PLAA: variants seen among roughly 807,000 people sequenced by gnomAD.
PLAA encodes the protein phospholipase A2 activating protein, also known as phospholipase A-2-activating protein.
In PLAA, 48 loss-of-function variants were observed where a neutral mutation model predicts 84.1. The ratio of observed to expected loss-of-function variants is 0.57; its 90% confidence interval spans 0.45 to 0.73. The LOEUF (loss-of-function observed/expected upper bound fraction) is 0.73. Ranked by LOEUF, PLAA falls within the 30% of genes least tolerant of loss-of-function variation. The pLI is 0.00. For synonymous variants in PLAA, 392 were observed against 336.6 expected, an observed-to-expected ratio of 1.16 and a Z score of -1.80; for missense variants, 903 against 954.7, an observed-to-expected ratio of 0.95 and a Z score of 0.71.
chr9:26,910,225 A>G, intron 12 of PLAA, 113 bp downstream of exon 12: 2 of 674,754 alleles, frequency 3.0e-6, no homozygotes, highest in Non-Finnish European at 5.3e-6. Context: ...TGCAATAGAA[A>G]TATCTATTCA....
chr9:26,944,348 A>C (rs1731014216), intron 1 of PLAA, among the ~76,000 whole-genome samples: 1 of 152,194 alleles, frequency 6.6e-6, no homozygotes, highest in African/African-American at 2.4e-5. Context: ...GCAACACAAA[A>C]GAGAAGACAT....
chr9:26,940,608 T>C (rs1009245503), intron 1 of PLAA, among the ~76,000 whole-genome samples: 3 of 152,314 alleles, frequency 2.0e-5, no homozygotes, highest in Non-Finnish European at 4.4e-5. Flanking sequence ...CTTAATACCA[T>C]TGAACTGTAC....
At chr9:26,930,206 G>A (rs188562870) in intron 2 of PLAA, among the ~76,000 whole-genome samples, 241 of 151,324 alleles carry the variant, frequency 1.6e-3, no homozygotes, top group African/African-American at 5.5e-3. Flanking sequence ...CCGGGTTCAC[G>A]CCATTCTCCT....
Position 26,947,188 on chromosome 9 carries a change from C to T in PLAA, c.-143G>A, listed in dbSNP as rs781321765. ...GACCGGAAGAGCCCGAGAGCCGGTACGGAAGGGCGGCTGGGAAGGGGCGCG... is the reference window on the plus strand; with the variant it reads ...GACCGGAAGAGCCCGAGAGCCGGTATGGAAGGGCGGCTGGGAAGGGGCGCG... On this transcript the variant is annotated 5_prime_UTR_variant, in exon 1 of 14. Coordinates refer to ENST00000397292, the MANE Select transcript of PLAA (RefSeq NM_001031689.3). 188 of 993,044 alleles carry T rather than the reference C, an allele frequency of 1.9e-4. No individual in the cohort carries two copies. The highest frequency in any genetic ancestry group is 7.0e-4 in the South Asian group (37 of 53,198). 61.5% of individuals were successfully genotyped at this position (993,044 alleles called of 1,614,324 possible).
rs72719533 is a variant in PLAA at position 26,911,616 on chromosome 9, C to T, written c.1556-1177G>A. On this transcript the variant is annotated intron_variant, in intron 11 of 13. Coordinates refer to ENST00000397292, the MANE Select transcript of PLAA (RefSeq NM_001031689.3). Reference sequence around the variant, plus strand: ...TCCTAGTCTTTTATACTTTTTTTTACATCTTAAGTCTCTATTATATTAACA... The same window carrying T: ...TCCTAGTCTTTTATACTTTTTTTTATATCTTAAGTCTCTATTATATTAACA... Among the ~76,000 whole-genome samples, 1,235 of 152,252 alleles carry T rather than the reference C, an allele frequency of 8.1e-3. 7 individuals are homozygous for T. The highest frequency in any genetic ancestry group is 0.033 in the East Asian group (172 of 5,186).
chr9:26,906,818 C>T (rs1218627308), intron 13 of PLAA, among the ~76,000 whole-genome samples: 1 of 151,718 alleles, frequency 6.6e-6, no homozygotes, highest in Non-Finnish European at 1.5e-5. Flanking sequence ...TGGGTAGATG[C>T]CATCTGAATG....
At chr9:26,914,720 A>G (rs1224095700) in intron 10 of PLAA, among the ~76,000 whole-genome samples, 2 of 149,198 alleles carry the variant, frequency 1.3e-5, no homozygotes, top group African/African-American at 4.8e-5. Flanking sequence ...ATAATTCACA[A>G]TATTTTAGAA....
chr9:26,919,488 T>C lies in PLAA; in HGVS notation c.1239A>G (p.Gly413=). ...YVFSIDVNEG[G]PSYKLPYNTS... ...TATTATATGGCAATTTATATGATGG[T>C]CCACCTTCATTGACATCAATTGAGA... is the stretch of plus-strand genomic sequence containing the variant. Residue 413 remains glycine, a synonymous_variant, in exon 9 of 14, where the codon GGA becomes GGG. Transcript: ENST00000397292. 1 of 1,609,778 alleles carries C rather than the reference T, an allele frequency of 6.2e-7. No homozygotes were observed. Among genetic ancestry groups the C allele is most frequent in the Non-Finnish European group, 8.5e-7 (1 of 1,176,484 alleles).
At chr9:26,934,670 G>A (rs1389912918) in intron 2 of PLAA, among the ~76,000 whole-genome samples, 1 of 151,858 alleles carries the variant, frequency 6.6e-6, no homozygotes, top group Non-Finnish European at 1.5e-5. Context: ...AGTAGAGGCG[G>A]GGTTTTGCAA....
Position 26,925,828 on chromosome 9 carries a change from G to A in PLAA, c.866C>T (p.Ala289Val). Reference protein sequence around the residue: ...VLDNGDIVVGASDGIIRVFTE... With the variant: ...VLDNGDIVVGVSDGIIRVFTE... ...TGATTGACTAGAATATAAATACCTC[G>A]CACCAACCACAATGTCACCATTGTC... Residue 289 changes from alanine to valine, a missense_variant, in exon 6 of 14, where the codon GCG becomes GTG. By Grantham distance (64) the Ala-to-Val change is moderately conservative. Transcript: ENST00000397292. The A allele has an allele frequency of 2.5e-6, 4 of 1,613,468 alleles. No individual in the cohort carries two copies. The highest frequency in any genetic ancestry group is 2.5e-6 in the Non-Finnish European group (3 of 1,179,622).
At chr9:26,946,149 C>A (rs1825700944) in intron 1 of PLAA, among the ~76,000 whole-genome samples, 1 of 152,178 alleles carries the variant, frequency 6.6e-6, no homozygotes, top group Admixed American at 6.6e-5. Flanking sequence ...AAATAACTAA[C>A]CTCAATTTTT....
At chr9:26,929,910 T>C (rs1286185498) in intron 2 of PLAA, among the ~76,000 whole-genome samples, 2 of 152,114 alleles carry the variant, frequency 1.3e-5, no homozygotes, top group Non-Finnish European at 2.9e-5. Context: ...CATGGGAGAA[T>C]GGTACTTTCC....
chr9:26,910,685 T>TC (rs1195437859), intron 11 of PLAA, among the ~76,000 whole-genome samples: 20 of 152,136 alleles, frequency 1.3e-4, no homozygotes, highest in Non-Finnish European at 2.6e-4. Flanking sequence ...ACTTTTTACT[T>TC]CTTTTTTTTC....
chr9:26,910,953 G>T (rs10967594), intron 11 of PLAA, among the ~76,000 whole-genome samples: 30,702 of 152,056 alleles, frequency 0.2, 3,677 homozygotes, highest in African/African-American at 0.33. Context: ...TTATTCCAAA[G>T]GATGTAGTAG....
rs769128926 is a variant in PLAA, at chr9:26,920,216, A to G, written c.1197+11T>C. The G allele has an allele frequency of 1.8e-5, 29 of 1,607,856 alleles. No homozygotes were observed. The highest frequency in any genetic ancestry group is 2.5e-5 in the Non-Finnish European group (29 of 1,174,858). ...AAGACAATAGTAATTAGAAAGTAGA[A>G]GTCGACATACTTTCCCTTCATATAA... On this transcript the variant is annotated intron_variant, in intron 8 of 13. Transcript: ENST00000397292.
intron 6 of PLAA, among the ~76,000 whole-genome samples, chr9:26,924,753 A>G (rs183495170): frequency 6.6e-6 from 1 of 152,202 alleles, no homozygotes; most frequent in Non-Finnish European, 1.5e-5. Flanking sequence ...TTCTCTACTA[A>G]TGGTATATCA....
At chr9:26,907,333 T>C (rs924927829) in intron 13 of PLAA, among the ~76,000 whole-genome samples, 3 of 151,780 alleles carry the variant, frequency 2.0e-5, no homozygotes, top group African/African-American at 7.3e-5. Flanking sequence ...ATTGAGACCA[T>C]CCTGGCTAAC....
chr9:26,930,775 G>A (rs570454721), intron 2 of PLAA, among the ~76,000 whole-genome samples: 2 of 151,732 alleles, frequency 1.3e-5, no homozygotes, highest in South Asian at 4.2e-4. Flanking sequence ...TAGAGACAGG[G>A]TTTCACCATG....
intron 2 of PLAA, among the ~76,000 whole-genome samples, chr9:26,930,305 C>T (rs569223533): frequency 4.6e-5 from 7 of 152,124 alleles, no homozygotes; most frequent in South Asian, 2.1e-4. Flanking sequence ...GGGGTTTCAC[C>T]GTGTTAGCTA....
Sources: allele counts gnomAD v4.1 joint callset (sites outside exome capture counted in the v4.1 genomes callset), GRCh38; gene constraint gnomAD v4.1.1; transcripts MANE v1.5; gene names NCBI Gene and HGNC (gene_info 2026-07-23, HGNC 2026-07-21).